AGMO: variants seen among roughly 807,000 people sequenced by gnomAD.
AGMO encodes the protein glyceryl-ether monooxygenase.
A neutral mutation model predicts 60.2 loss-of-function variants in AGMO; 75 were observed. The ratio of observed to expected loss-of-function variants is 1.25; its 90% CI spans 1.03 to 1.51. The LOEUF is 1.51. Among genes scored for constraint, AGMO ranks in the 40% most tolerant of loss-of-function variants. The probability of loss-of-function intolerance (pLI) is 0.00; values close to 1 mark genes in which losing one functional copy is unlikely to be tolerated. For missense variants in AGMO, 763 were observed against 525.5 expected (o/e 1.45, Z -4.42); for synonymous variants, 261 against 177.1 (o/e 1.47, Z -3.76).
chr7:15,118,601 G>A, the AGMO span, among the ~76,000 whole-genome samples: 2 of 151,974 alleles, frequency 1.3e-5, no homozygotes, highest in Non-Finnish European at 2.9e-5. Flanking sequence ...AATATCTTCC[G>A]TGTAGGTATG....
chr7:15,430,001 C>CAGGAGTTCA (rs57258742), intron 4 of AGMO, among the ~76,000 whole-genome samples: 64,433 of 151,256 alleles, frequency 0.43, 13,877 homozygotes, highest in Middle Eastern at 0.52. Context: ...AACAAGACTG[C>CAGGAGTTCA]AGTTCTACTT....
At chr7:15,382,355 T>G (rs187185479) in intron 10 of AGMO, among the ~76,000 whole-genome samples, 143 of 152,204 alleles carry the variant, frequency 9.4e-4, no homozygotes, top group African/African-American at 3.3e-3. Context: ...AGGAATGTGC[T>G]CGGGGGAAGT....
chr7:15,341,032 C>T lies in AGMO; in HGVS notation c.1263+24482G>A, dbSNP rs182149217. On this transcript the variant is annotated intron_variant, in intron 12 of 12. Coordinates refer to ENST00000342526, the MANE Select transcript of AGMO (RefSeq NM_001004320.2). Reference sequence around the variant, plus strand: ...GGAGCTGCCCAAGACCACGGGAATCCACCTCTAGCATCAGAGTAACCTGGA... The same window carrying T: ...GGAGCTGCCCAAGACCACGGGAATCTACCTCTAGCATCAGAGTAACCTGGA... 1.7e-3 allele frequency among the ~76,000 whole-genome samples: 261 copies of T among 152,242 alleles called. 2 individuals carry two copies. The highest frequency in any genetic ancestry group is 5.8e-3 in the African/African-American group (243 of 41,546).
intron 12 of AGMO, among the ~76,000 whole-genome samples, chr7:15,326,187 T>G (rs1401450949): frequency 6.6e-6 from 1 of 152,084 alleles, no homozygotes; most frequent in Non-Finnish European, 1.5e-5. Context: ...AAGGGGGGGT[T>G]AAGGAAAATG....
At chr7:15,348,590 A>G (rs1198488195) in intron 12 of AGMO, among the ~76,000 whole-genome samples, 1 of 152,062 alleles carries the variant, frequency 6.6e-6, no homozygotes, top group Non-Finnish European at 1.5e-5. Context: ...GCTTTGGCTA[A>G]TTTCTTTCCA....
rs1428100939 is a variant in AGMO at position 15,515,111 on chromosome 7, T to C, written c.409+29661A>G. On this transcript the variant is annotated intron_variant, in intron 3 of 12. Coordinates refer to ENST00000342526, the MANE Select transcript of AGMO (RefSeq NM_001004320.2). ...AAGTAGCTCATCCATTGGGTGAATTTACAGAGGATGAAAAGGAAGCACTAT... is the reference window on the plus strand; with the variant it reads ...AAGTAGCTCATCCATTGGGTGAATTCACAGAGGATGAAAAGGAAGCACTAT... 2.0e-5 allele frequency among the ~76,000 whole-genome samples: 3 copies of C among 152,232 alleles called. No homozygotes were observed. In the East Asian group the frequency reaches 5.8e-4, roughly 29 times the overall value.
chr7:15,448,410 A>C (rs190438869), intron 3 of AGMO, among the ~76,000 whole-genome samples: 2 of 152,296 alleles, frequency 1.3e-5, no homozygotes, highest in East Asian at 3.9e-4. Context: ...TAATCTGCTG[A>C]CTTCTTTATC....
chr7:15,199,948 C>T (rs1053889109), downstream of AGMO, among the ~76,000 whole-genome samples: 1 of 152,112 alleles, frequency 6.6e-6, no homozygotes, highest in Non-Finnish European at 1.5e-5. Flanking sequence ...TTCACATAGA[C>T]ACCTGCAGTC....
chr7:15,225,684 C>A (rs959953491), intron 12 of AGMO, among the ~76,000 whole-genome samples: 10 of 151,796 alleles, frequency 6.6e-5, no homozygotes, highest in African/African-American at 2.4e-4. Flanking sequence ...ATGATTGTTA[C>A]TCATGGCAGA....
intron 3 of AGMO, 25 bp downstream of exon 3, chr7:15,544,747 C>CA: frequency 6.5e-7 from 1 of 1,536,742 alleles, no homozygotes; most frequent in South Asian, 1.3e-5. Context: ...CATAAGTTAA[C>CA]AAAAAGTCCT....
chr7:15,218,327 A>ATGTGTGTG (rs138890087), intron 12 of AGMO, among the ~76,000 whole-genome samples: 4,594 of 143,964 alleles, frequency 0.032, 92 homozygotes, highest in Admixed American at 0.046. Flanking sequence ...TGGTGTGTGT[A>ATGTGTGTG]TGTGTGTGTG....
At chr7:15,438,300 A>G (rs1392661074) in intron 3 of AGMO, among the ~76,000 whole-genome samples, 1 of 151,956 alleles carries the variant, frequency 6.6e-6, no homozygotes, top group Non-Finnish European at 1.5e-5. Context: ...CATAAGAGTA[A>G]GAAAGCTTAT....
At chr7:15,490,399 G>C (rs1159354074) in intron 3 of AGMO, among the ~76,000 whole-genome samples, 2 of 151,804 alleles carry the variant, frequency 1.3e-5, no homozygotes, top group African/African-American at 2.4e-5. Context: ...GCATAAAGTA[G>C]TTCTTTCACA....
At chr7:15,215,368 T>C (rs774931452) in intron 12 of AGMO, among the ~76,000 whole-genome samples, 3 of 152,024 alleles carry the variant, frequency 2.0e-5, no homozygotes, top group South Asian at 2.1e-4. Context: ...TTTCCTCTCT[T>C]TTTTTTCTTT....
At chr7:15,429,189 T>C (rs893171539) in intron 4 of AGMO, among the ~76,000 whole-genome samples, 3 of 152,068 alleles carry the variant, frequency 2.0e-5, no homozygotes, top group Admixed American at 6.6e-5. Context: ...GTTTCTTCAA[T>C]AGTGCCTTCC....
chr7:15,303,998 A>C (rs1448751698), intron 12 of AGMO, among the ~76,000 whole-genome samples: 1 of 152,150 alleles, frequency 6.6e-6, no homozygotes, highest in African/African-American at 2.4e-5. Flanking sequence ...ACGATTTTCC[A>C]TGAACTCCTA....
chr7:15,498,762 G>T (rs1783301423), intron 3 of AGMO, among the ~76,000 whole-genome samples: 1 of 151,862 alleles, frequency 6.6e-6, no homozygotes, highest in Admixed American at 6.6e-5. Flanking sequence ...AATGGTATCT[G>T]GTTTCTGTTT....
intron 12 of AGMO, among the ~76,000 whole-genome samples, chr7:15,317,940 TAC>T (rs112894307): frequency 0.071 from 10,021 of 140,432 alleles, 491 homozygotes; most frequent in South Asian, 0.22. Context: ...TATATATATA[TAC>T]ACACACACAC....
chr7:15,381,644 T>C (rs748327452), intron 10 of AGMO, among the ~76,000 whole-genome samples: 9 of 152,084 alleles, frequency 5.9e-5, no homozygotes, highest in Non-Finnish European at 1.3e-4. Flanking sequence ...ACAGGAATAC[T>C]ATTCCACCCA....
Sources: gnomAD v4.1 joint callset for allele counts (sites outside exome capture counted in the v4.1 genomes callset) on GRCh38, gnomAD v4.1.1 for gene constraint, MANE v1.5 for transcripts, NCBI Gene and HGNC (gene_info 2026-07-23, HGNC 2026-07-21) for gene names.